Variants in SDCCAG8 observed in about 807,000 individuals in gnomAD.
The protein encoded by SDCCAG8 is SHH signaling and ciliogenesis regulator SDCCAG8, also known as serologically defined colon cancer antigen 8.
In SDCCAG8, 74 loss-of-function variants were observed where a neutral mutation model predicts 101.8. The observed-to-expected ratio is 0.73, with a 90% CI of 0.60 to 0.88. The LOEUF (loss-of-function observed/expected upper bound fraction) is 0.88, where lower values mean the gene tolerates loss of function less well. Ranked by LOEUF, SDCCAG8 falls within the 40% of genes least tolerant of loss-of-function variation. SDCCAG8 has a pLI of 0.00. For missense variants in SDCCAG8, 787 were observed against 822.6 expected, an observed-to-expected ratio of 0.96 and a Z score of 0.53; for synonymous variants, 281 against 292.9, an observed-to-expected ratio of 0.96 and a Z score of 0.41.
intron 6 of SDCCAG8, among the ~76,000 whole-genome samples, chr1:243,304,209 C>T (rs1168079923): frequency 6.6e-6 from 1 of 152,196 alleles, no homozygotes; most frequent in African/African-American, 2.4e-5. Context: ...AAGTTCCTTG[C>T]AGTTCAAGCC....
chr1:243,344,142 C>T, intron 11 of SDCCAG8, 73 bp from the exon 12 acceptor site: 1 of 1,239,086 alleles, frequency 8.1e-7, no homozygotes, highest in Non-Finnish European at 1.2e-6. Flanking sequence ...CTAGGGGGCA[C>T]CAAAAGATCT....
chr1:243,316,622 T>C, intron 8 of SDCCAG8, 133 bp from the exon 9 acceptor site: 1 of 1,044,686 alleles, frequency 9.6e-7, no homozygotes, highest in Non-Finnish European at 1.4e-6. Flanking sequence ...CTCTGGGGTG[T>C]GCTTTATTTC....
At chr1:243,456,677 A>C (rs1193047361) in intron 16 of SDCCAG8, among the ~76,000 whole-genome samples, 1 of 152,032 alleles carries the variant, frequency 6.6e-6, no homozygotes, top group Non-Finnish European at 1.5e-5. Flanking sequence ...AGGGAGGGCA[A>C]TTGGCTTGGT....
intron 16 of SDCCAG8, among the ~76,000 whole-genome samples, chr1:243,471,879 C>G (rs563577937): frequency 6.6e-6 from 1 of 152,274 alleles, no homozygotes; most frequent in Non-Finnish European, 1.5e-5. Flanking sequence ...ATTCTACTCT[C>G]TAATACATAA....
intron 1 of SDCCAG8, among the ~76,000 whole-genome samples, chr1:243,260,621 C>T (rs1482890377): frequency 6.6e-6 from 1 of 152,178 alleles, no homozygotes; most frequent in Non-Finnish European, 1.5e-5. Flanking sequence ...AATCATGTCT[C>T]ATCTCTTGCT....
chr1:243,466,219 A>G (rs1398470447), intron 16 of SDCCAG8, among the ~76,000 whole-genome samples: 2 of 152,210 alleles, frequency 1.3e-5, no homozygotes, highest in Non-Finnish European at 1.5e-5. Context: ...ATATATATCA[A>G]TATTTGATTT....
chr1:243,427,610 A>C (rs985266337), intron 16 of SDCCAG8, among the ~76,000 whole-genome samples: 3 of 152,030 alleles, frequency 2.0e-5, no homozygotes, highest in African/African-American at 7.3e-5. Flanking sequence ...ACAGTTCTTG[A>C]TATAATTGAA....
chr1:243,403,010 G>A (rs2079511288), intron 13 of SDCCAG8, among the ~76,000 whole-genome samples: 1 of 152,174 alleles, frequency 6.6e-6, no homozygotes, highest in South Asian at 2.1e-4. Context: ...GCCGTTATAT[G>A]TTGAAGAGTT....
intron 13 of SDCCAG8, among the ~76,000 whole-genome samples, chr1:243,407,517 A>G (rs369925085): frequency 1.3e-5 from 2 of 152,192 alleles, no homozygotes; most frequent in African/African-American, 4.8e-5. Flanking sequence ...TTAAAAGTAG[A>G]TGGGAATTGT....
intron 1 of SDCCAG8, among the ~76,000 whole-genome samples, chr1:243,263,784 A>G (rs2067371771): frequency 6.6e-6 from 1 of 152,256 alleles, no homozygotes; most frequent in African/African-American, 2.4e-5. Flanking sequence ...AAAGTATTCT[A>G]CATAGTACTT....
intron 16 of SDCCAG8, among the ~76,000 whole-genome samples, chr1:243,442,309 T>G (rs1014156340): frequency 1.3e-5 from 2 of 152,148 alleles, no homozygotes; most frequent in African/African-American, 4.8e-5. Flanking sequence ...GTTGCAACCG[T>G]CTGGGTAGCA....
At chr1:243,304,002 T>C (rs887216644) in intron 6 of SDCCAG8, among the ~76,000 whole-genome samples, 1 of 151,928 alleles carries the variant, frequency 6.6e-6, no homozygotes, top group Non-Finnish European at 1.5e-5. Context: ...GAATCCAGCA[T>C]GTGGAGGTTG....
chr1:243,465,605 T>C (rs946945633), intron 16 of SDCCAG8, among the ~76,000 whole-genome samples: 2 of 152,236 alleles, frequency 1.3e-5, no homozygotes, highest in Non-Finnish European at 2.9e-5. Flanking sequence ...ACACAGCCTC[T>C]GTTTCGGCTT....
rs1024556182 is a variant in SDCCAG8 at position 243,378,174 on chromosome 1, C to CT, written c.1474-537dup. The stretch of plus-strand genomic sequence containing the variant: ...ACTCTCAATGCTTAAATTTCTCATG[C>CT]TTTTTTTTTTCCTGGATTATTTTTT... On this transcript the variant is annotated intron_variant, in intron 12 of 17. Transcript: ENST00000366541. Among the ~76,000 whole-genome samples, 25 of 147,742 alleles carry CT rather than the reference C, an allele frequency of 1.7e-4. No individual in the cohort carries two copies. The Middle Eastern group carries it at 0.011, about 65-fold the overall frequency.
chr1:243,392,294 TG>T (rs2078751906), intron 13 of SDCCAG8, among the ~76,000 whole-genome samples: 1 of 152,244 alleles, frequency 6.6e-6, no homozygotes, highest in African/African-American at 2.4e-5. Context: ...AAGCTCTTTA[TG>T]GCAAGGCTAT....
At chr1:243,492,317 T>TTTTTTTTTA (rs1666676695) in intron 17 of SDCCAG8, among the ~76,000 whole-genome samples, 1 of 141,470 alleles carries the variant, frequency 7.1e-6, no homozygotes, top group African/African-American at 2.6e-5. Flanking sequence ...TTTTTTTTTT[T>TTTTTTTTTA]TTGAGACGGA....
chr1:243,454,850 T>C lies in SDCCAG8; in HGVS notation c.1985+28292T>C, dbSNP rs2083621764. ...CAGATGCACCCTCCACTGTGGTCGGTGTCTGGGGTAACCAGAGAAAACTTC... is the reference window on the plus strand; with the variant it reads ...CAGATGCACCCTCCACTGTGGTCGGCGTCTGGGGTAACCAGAGAAAACTTC... On this transcript the variant is annotated intron_variant, in intron 16 of 17. Transcript: ENST00000366541. Among the ~76,000 whole-genome samples the C allele has an allele frequency of 2.0e-5, 3 of 152,194 alleles. No homozygotes were observed. In the South Asian group the frequency reaches 6.2e-4, roughly 32 times the overall value.
chr1:243,354,315 G>A (rs1416123127), intron 12 of SDCCAG8, among the ~76,000 whole-genome samples: 1 of 152,148 alleles, frequency 6.6e-6, no homozygotes, highest in Admixed American at 6.5e-5. Flanking sequence ...GTATTTTCCA[G>A]TTATTCACTT....
At chr1:243,483,906 G>T (rs2994330) in intron 16 of SDCCAG8, among the ~76,000 whole-genome samples, 31,814 of 152,102 alleles carry the variant, frequency 0.21, 3,639 homozygotes, top group African/African-American at 0.29. Flanking sequence ...CGGGCCCGGA[G>T]AGCTGCATTT....
Sources: gnomAD v4.1 joint callset for allele counts (sites outside exome capture counted in the v4.1 genomes callset) on GRCh38, gnomAD v4.1.1 for gene constraint, MANE v1.5 for transcripts, NCBI Gene and HGNC (gene_info 2026-07-23, HGNC 2026-07-21) for gene names.